Variants in MTMR8 observed in about 807,000 individuals in gnomAD.
MTMR8 encodes myotubularin related protein 8.
In MTMR8, 65 loss-of-function variants were observed where a neutral mutation model predicts 39.3. The ratio of observed to expected loss-of-function variants is 1.65; its 90% CI spans 1.35 to 2.03. MTMR8 has a LOEUF of 2.03. MTMR8 is among the 30% of genes most tolerant of loss of function. The pLI, the probability that MTMR8 is intolerant of heterozygous loss-of-function variation, is 0.00. For missense variants in MTMR8, 777 were observed against 538.9 expected (o/e 1.44, Z -4.37); for synonymous variants, 245 against 185.2 (o/e 1.32, Z -2.62).
At chrX:64,359,327 A>T (rs1169584898) in intron 2 of MTMR8, 78 bp downstream of exon 2, 2 of 990,424 alleles carry the variant, frequency 2.0e-6, no homozygotes, top group African/African-American at 3.9e-5. Context: ...TACACTTGAA[A>T]TTTCAAGAAA....
chrX:64,328,652 A>G, intron 12 of MTMR8, 120 bp downstream of exon 12: 1 of 679,408 alleles, frequency 1.5e-6, no homozygotes, highest in Non-Finnish European at 2.0e-6. Context: ...TGATATGAGG[A>G]CAGAGTATCC....
At position 64,322,213 on chromosome X, in the gene MTMR8, G is replaced by C. The variant is rs756193606; in HGVS notation, c.1481+6559C>G. Among the ~76,000 whole-genome samples the C allele has an allele frequency of 2.7e-5, 3 of 109,498 alleles. No individual in the cohort carries two copies. The East Asian group carries it at 8.6e-4, about 31-fold the overall frequency. On this transcript the variant is annotated intron_variant, in intron 12 of 13. Coordinates refer to ENST00000374852, the MANE Select transcript of MTMR8 (RefSeq NM_017677.4). ...AGGTCTCACTATGTTGCCCAGACTG[G>C]TCTCAAACTCCTGGGATCAAGTGAT... is the stretch of plus-strand genomic sequence containing the variant.
chrX:64,366,877 A>T (rs1385757522), intron 1 of MTMR8, among the ~76,000 whole-genome samples: 2 of 112,100 alleles, frequency 1.8e-5, no homozygotes, highest in Non-Finnish European at 3.8e-5. Context: ...ATAAAGAAGA[A>T]GAGAGAAGAA....
intron 12 of MTMR8, among the ~76,000 whole-genome samples, chrX:64,307,547 T>A (rs760112536): frequency 9.0e-6 from 1 of 111,558 alleles, no homozygotes; most frequent in East Asian, 2.8e-4. Context: ...TCTCTTCTAT[T>A]GAGTTTCGTA....
intron 12 of MTMR8, among the ~76,000 whole-genome samples, chrX:64,327,538 C>A (rs1922828526): frequency 8.9e-6 from 1 of 111,906 alleles, no homozygotes; most frequent in South Asian, 3.7e-4. Flanking sequence ...CAAGTGCTGA[C>A]AAGGATGTGG....
intron 12 of MTMR8, among the ~76,000 whole-genome samples, chrX:64,299,077 A>G (rs1473597833): frequency 3.1e-5 from 2 of 65,497 alleles, no homozygotes; most frequent in Non-Finnish European, 5.2e-5. Flanking sequence ...TTGGTATCAG[A>G]ATGATGCTGG....
In MTMR8 at chrX:64,356,197, G is replaced by T. The variant is rs1429596244; in HGVS notation, c.289C>A (p.Leu97Met). The change falls in exon 3 of 14, where the codon CTG becomes ATG. Residue 97 changes from leucine to methionine, a missense_variant. Leu to Met is a conservative substitution (Grantham distance 15, BLOSUM62 2). Transcript: ENST00000374852. ...DLVCHEVYIS[L>M]LKLSQPALPE... ...CTACCTGGCTGAGAAAGCTTGAGCA[G>T]TGAAATATAAACCTCATGGCACACA... is the stretch of plus-strand genomic sequence containing the variant. 1 of 1,205,298 alleles carries T rather than the reference G, an allele frequency of 8.3e-7. No homozygotes were observed. Among genetic ancestry groups the T allele is most frequent in the African/African-American group, 1.8e-5 (1 of 56,841 alleles).
chrX:64,286,526 C>A (rs1455810918), intron 12 of MTMR8, among the ~76,000 whole-genome samples: 3 of 111,845 alleles, frequency 2.7e-5, no homozygotes, highest in Non-Finnish European at 5.6e-5. Context: ...TAATTTTAGA[C>A]CAATATCCCT....
At chrX:64,300,132 C>T (rs1250414505) in intron 12 of MTMR8, among the ~76,000 whole-genome samples, 1 of 104,556 alleles carries the variant, frequency 9.6e-6, no homozygotes, top group Non-Finnish European at 2.0e-5. Context: ...TCCTGGGTAT[C>T]CTTGTGGACT....
At chrX:64,276,532 T>C (rs1173530197) in intron 12 of MTMR8, among the ~76,000 whole-genome samples, 1 of 111,941 alleles carries the variant, frequency 8.9e-6, no homozygotes. Context: ...TCAGGATCAT[T>C]AATTACCCAG....
rs185932493 is a variant in MTMR8 at position 64,356,490 on chromosome X, G to T, written c.148-152C>A. The T allele has an allele frequency of 2.9e-3, 1,412 of 493,375 alleles. 6 individuals carry two copies. Among genetic ancestry groups the T allele is most frequent in the Non-Finnish European group, 3.0e-3 (927 of 304,818 alleles). 40.7% of individuals were successfully genotyped at this position (493,375 alleles called of 1,213,427 possible). A position where few individuals can be genotyped will look rare whatever the true frequency, so the allele number is the denominator to read the frequency against. ...CCATTCTTTGTAAGACACAACTGGG[G>T]TTCTCTCAAATAGAACTAAAGCATA... is the stretch of plus-strand genomic sequence containing the variant. On this transcript the variant is annotated intron_variant, in intron 2 of 13. Coordinates refer to ENST00000374852, the MANE Select transcript of MTMR8 (RefSeq NM_017677.4).
intron 6 of MTMR8, among the ~76,000 whole-genome samples, chrX:64,346,159 G>T (rs1016078666): frequency 1.8e-5 from 2 of 111,318 alleles, no homozygotes; most frequent in Non-Finnish European, 3.8e-5. Flanking sequence ...CTACGATAAT[G>T]ACCATCTTAC....
intron 1 of MTMR8, among the ~76,000 whole-genome samples, chrX:64,374,633 C>T (rs1365423092): frequency 5.4e-5 from 6 of 111,669 alleles, no homozygotes; most frequent in Non-Finnish European, 1.1e-4. Context: ...AAAAAGGTTG[C>T]TGAACACCTA....
chrX:64,352,933 A>G (rs960528609), intron 4 of MTMR8, among the ~76,000 whole-genome samples: 1 of 111,481 alleles, frequency 9.0e-6, no homozygotes, highest in African/African-American at 3.3e-5. Flanking sequence ...GTGGCTCACA[A>G]CTGTCTTCAT....
chrX:64,297,305 T>A (rs1295567439), intron 12 of MTMR8, among the ~76,000 whole-genome samples: 1 of 109,843 alleles, frequency 9.1e-6, no homozygotes, highest in African/African-American at 3.3e-5. Flanking sequence ...TCATAGTGGT[T>A]TTGATTTGCA....
intron 12 of MTMR8, among the ~76,000 whole-genome samples, chrX:64,315,176 C>T (rs200583426): frequency 1.8e-5 from 2 of 112,207 alleles, no homozygotes; most frequent in East Asian, 5.7e-4. Flanking sequence ...TCCCTGCCAA[C>T]TCAAGTGTCC....
At chrX:64,391,637 G>A (rs188948761) in intron 1 of MTMR8, among the ~76,000 whole-genome samples, 74 of 112,023 alleles carry the variant, frequency 6.6e-4, no homozygotes, top group African/African-American at 2.4e-3. Context: ...AATTAATAAC[G>A]ATGATGATAG....
At chrX:64,289,204 A>G (rs998709450) in intron 12 of MTMR8, among the ~76,000 whole-genome samples, 2 of 110,552 alleles carry the variant, frequency 1.8e-5, no homozygotes, top group Non-Finnish European at 3.8e-5. Context: ...CAAAACCACA[A>G]TGATATATCA....
In MTMR8 at chrX:64,273,451, G is replaced by T. The variant is rs777088670; in HGVS notation, c.1482-2378C>A. Among the ~76,000 whole-genome samples the T allele has an allele frequency of 3.2e-3, 339 of 106,232 alleles. 1 individual carries two copies. The highest frequency in any genetic ancestry group is 6.0e-3 in the Non-Finnish European group (309 of 51,482). The allele number at this position is 106,232 out of a possible 115,157, so 92.2% of individuals were successfully genotyped here. ...TTAAAAAAAAAAGAAAGAAGTGAAA[G>T]AAATCAAAGCATACTAATATAAAAA... On this transcript the variant is annotated intron_variant, in intron 12 of 13. Transcript: ENST00000374852.
Sources: gnomAD v4.1 joint callset for allele counts (sites outside exome capture counted in the v4.1 genomes callset) on GRCh38, gnomAD v4.1.1 for gene constraint, MANE v1.5 for transcripts, NCBI Gene and HGNC (gene_info 2026-07-23, HGNC 2026-07-21) for gene names.